The following MED28 variants were observed in gnomAD, a reference collection of about 807,000 sequenced individuals.
MED28 encodes the protein mediator of RNA polymerase II transcription subunit 28.
A neutral mutation model predicts 21.3 loss-of-function variants in MED28; 26 were observed. The ratio of observed to expected loss-of-function variants is 1.22; its 90% CI spans 0.89 to 1.69. The LOEUF is 1.69. Among genes scored for constraint, MED28 ranks in the 40% most tolerant of loss-of-function variants. The pLI is 0.00. For missense variants in MED28, 257 were observed against 215.4 expected, an observed-to-expected ratio of 1.19 and a Z score of -1.21; for synonymous variants, 110 against 87.6, an observed-to-expected ratio of 1.26 and a Z score of -1.43.
At chr4:17,620,117 G>A in intron 2 of MED28, 150 bp downstream of exon 2, 1 of 687,286 alleles carries the variant, frequency 1.5e-6, no homozygotes, top group East Asian at 2.8e-5. Context: ...ATGAGCTGCT[G>A]ATTTTTGGTT....
chr4:17,624,144 A>G lies in MED28; in HGVS notation c.*346A>G. ...TTTTATGTGTGTTTCCTGTAGTTTG[A>G]TCCGAAGGAAAAGAGTATAGTAGCC... On this transcript the variant is annotated 3_prime_UTR_variant, in exon 4 of 4. Transcript: ENST00000237380. The G allele has an allele frequency of 3.6e-6, 1 of 281,290 alleles. No homozygotes were observed. The highest frequency in any genetic ancestry group is 4.1e-5 in the South Asian group (1 of 24,240). 17.4% of individuals were successfully genotyped at this position (281,290 alleles called of 1,614,324 possible).
At position 17,625,717 on chromosome 4, in the gene MED28, G is replaced by C. The variant is rs1027387320; in HGVS notation, c.*1919G>C. 2 of 438,504 alleles carry C rather than the reference G, an allele frequency of 4.6e-6. No homozygotes were observed. The highest frequency in any genetic ancestry group is 4.1e-5 in the African/African-American group (2 of 49,368). 27.2% of individuals were successfully genotyped at this position (438,504 alleles called of 1,614,324 possible). On this transcript the variant is annotated 3_prime_UTR_variant, in exon 4 of 4. Coordinates refer to ENST00000237380, the MANE Select transcript of MED28 (RefSeq NM_025205.5). ...CCTCTGAGCTGCTAACTTTTTCAGG[G>C]AGAAAATCACAAGCCATCTTCTCAA... is the stretch of plus-strand genomic sequence containing the variant.
rs1715007257 is a variant in MED28 at position 17,632,946 on chromosome 4, G to C, written c.*9148G>C. 1 of 193,902 alleles carries C rather than the reference G, an allele frequency of 5.2e-6. No individual in the cohort carries two copies. The highest frequency in any genetic ancestry group is 1.3e-4 in the East Asian group (1 of 7,840). 12.0% of individuals were successfully genotyped at this position (193,902 alleles called of 1,614,324 possible). A position where few individuals can be genotyped will look rare whatever the true frequency, so the allele number is the denominator to read the frequency against. On this transcript the variant is annotated 3_prime_UTR_variant, in exon 4 of 4. Coordinates refer to ENST00000237380, the MANE Select transcript of MED28 (RefSeq NM_025205.5). The stretch of plus-strand genomic sequence containing the variant: ...GACTTTGTTTTTATTTTTTGTGACA[G>C]AGTCTCCCTCTGTCACCCAGGCTGG...
In MED28 at chr4:17,620,458, C is replaced by T. The variant is rs768045113; in HGVS notation, c.226+491C>T. On this transcript the variant is annotated intron_variant, in intron 2 of 3. Coordinates refer to ENST00000237380, the MANE Select transcript of MED28 (RefSeq NM_025205.5). ...AGGCAGTTCTCTTGTCTCAGCCTCC[C>T]GCGTAGATGGAACTACAGGCATGCA... 3.6e-4 allele frequency among the ~76,000 whole-genome samples: 55 copies of T among 151,714 alleles called. 1 individual carries two copies. The highest frequency in any genetic ancestry group is 5.9e-4 in the Non-Finnish European group (40 of 67,922).
rs1264309865 is a variant in MED28, at chr4:17,632,522, A to G, written c.*8724A>G. 1 of 1,544,726 alleles carries G rather than the reference A, an allele frequency of 6.5e-7. No homozygotes were observed. The highest frequency in any genetic ancestry group is 2.0e-5 in the Admixed American group (1 of 50,582). On this transcript the variant is annotated 3_prime_UTR_variant, in exon 4 of 4. Transcript: ENST00000237380. ...TCAAGTATCCTCTGTGATGTATCCCAAAGGTTAGCTTAGAAAGAAAAGTAC... is the reference window on the plus strand; with the variant it reads ...TCAAGTATCCTCTGTGATGTATCCCGAAGGTTAGCTTAGAAAGAAAAGTAC...
intron 1 of MED28, among the ~76,000 whole-genome samples, chr4:17,615,089 A>G (rs1714410529): frequency 6.6e-6 from 1 of 152,218 alleles, no homozygotes; most frequent in South Asian, 2.1e-4. Flanking sequence ...GCCGGTCCTT[A>G]GTCTCATCCC....
At chr4:17,616,584 C>A (rs1714458679) in intron 1 of MED28, among the ~76,000 whole-genome samples, 1 of 152,216 alleles carries the variant, frequency 6.6e-6, no homozygotes, top group Admixed American at 6.5e-5. Context: ...TGCAGCCACA[C>A]AAGACTTTCC....
chr4:17,621,018 G>GTTTTT lies in MED28; in HGVS notation c.227-558_227-554dup, dbSNP rs10679446. On this transcript the variant is annotated intron_variant, in intron 2 of 3. Coordinates refer to ENST00000237380, the MANE Select transcript of MED28 (RefSeq NM_025205.5). ...CCACCACGCTTGGCCTCTGCCTTGT[G>GTTTTT]TTTTTTTTTTTTTTTGAGACGGAGT... is the stretch of plus-strand genomic sequence containing the variant. Among the ~76,000 whole-genome samples the GTTTTT allele has an allele frequency of 1.5e-4, 20 of 130,732 alleles. 2 individuals are homozygous for GTTTTT. Among genetic ancestry groups the GTTTTT allele is most frequent in the South Asian group, 2.4e-4 (1 of 4,106 alleles). The allele number at this position is 130,732 out of a possible 152,430, so 85.8% of individuals were successfully genotyped here.
chr4:17,632,775 A>G lies in MED28; in HGVS notation c.*8977A>G. ...GGCCAACATTAGTAGTGGGAAACAA[A>G]TTGTAAAGGATGGGGCTGGGGAGGG... On this transcript the variant is annotated 3_prime_UTR_variant, in exon 4 of 4. Coordinates refer to ENST00000237380, the MANE Select transcript of MED28 (RefSeq NM_025205.5). The G allele has an allele frequency of 1.8e-6, 1 of 566,856 alleles. No individual in the cohort carries two copies. Among genetic ancestry groups the G allele is most frequent in the South Asian group, 2.1e-5 (1 of 48,446 alleles). The allele number at this position is 566,856 out of a possible 1,614,324, so 35.1% of individuals were successfully genotyped here.
chr4:17,615,720 G>T (rs1714431275), intron 1 of MED28, among the ~76,000 whole-genome samples: 1 of 152,158 alleles, frequency 6.6e-6, no homozygotes, highest in Non-Finnish European at 1.5e-5. Context: ...TGAGGCAGGA[G>T]AATCGCTTGA....
In MED28 at chr4:17,619,819, A is replaced by G. The variant is rs1008848933; in HGVS notation, c.160-82A>G. On this transcript the variant is annotated intron_variant, in intron 1 of 3. Coordinates refer to ENST00000237380, the MANE Select transcript of MED28 (RefSeq NM_025205.5). Reference sequence around the variant, plus strand: ...TGCTGCCACCTCATCAGATGACTTCAGGAGAAGTTATTTCTTCCTCTGGAG... The same window carrying G: ...TGCTGCCACCTCATCAGATGACTTCGGGAGAAGTTATTTCTTCCTCTGGAG... 11 of 1,232,518 alleles carry G rather than the reference A, an allele frequency of 8.9e-6. No homozygotes were observed. The African/African-American group carries it at 1.5e-4, about 17-fold the overall frequency. The allele number at this position is 1,232,518 out of a possible 1,614,324, so 76.3% of individuals were successfully genotyped here.
chr4:17,617,992 CT>C lies in MED28; in HGVS notation c.160-1899del, dbSNP rs199632933. 2.5e-3 allele frequency among the ~76,000 whole-genome samples: 359 copies of C among 141,520 alleles called. 2 individuals are homozygous for C. The highest frequency in any genetic ancestry group is 7.2e-3 in the Middle Eastern group (2 of 276). The allele number at this position is 141,520 out of a possible 152,430, so 92.8% of individuals were successfully genotyped here. On this transcript the variant is annotated intron_variant, in intron 1 of 3. Transcript: ENST00000237380. ...CAACTGTCTATAAAGGCCTGTGTAT[CT>C]TTTTTTTTTCTTTTCTTTTCTTTTT...
At chr4:17,622,411 C>T (rs114364373) in intron 3 of MED28, among the ~76,000 whole-genome samples, 2,478 of 152,242 alleles carry the variant, frequency 0.016, 79 homozygotes, top group African/African-American at 0.057. Context: ...GCTATTCTTA[C>T]AGTTTATCAT....
intron 1 of MED28, among the ~76,000 whole-genome samples, 184 bp from the exon 2 acceptor site, chr4:17,619,717 C>A (rs980209249): frequency 6.6e-6 from 1 of 152,152 alleles, no homozygotes; most frequent in East Asian, 1.9e-4. Flanking sequence ...CCTCCATGGG[C>A]CTAATTAATT....
chr4:17,633,961 T>C lies in MED28; in HGVS notation c.*10163T>C. On this transcript the variant is annotated 3_prime_UTR_variant, in exon 4 of 4. Transcript: ENST00000237380. ...AATAAAGCATTATTGTAAAAGCAAA[T>C]AATGCTCACCCAATCAAAATTGTAT... The C allele has an allele frequency of 1.7e-6, 2 of 1,187,942 alleles. No homozygotes were observed. Among genetic ancestry groups the C allele is most frequent in the South Asian group, 2.2e-5 (1 of 45,278 alleles). The allele number at this position is 1,187,942 out of a possible 1,614,324, so 73.6% of individuals were successfully genotyped here.
In MED28 at chr4:17,623,798, A is replaced by C; in HGVS notation, c.537A>C (p.Ter179CysextTer45). ...TCCCTGCACCTCTGAAGCCAACGTGAGCAAAGGGCAGAGGCAGTTGGCCTA... is the reference window on the plus strand; with the variant it reads ...TCCCTGCACCTCTGAAGCCAACGTGCGCAAAGGGCAGAGGCAGTTGGCCTA... ...ANIPAPLKPT[*>C] Residue 179 changes from the stop codon to cysteine (C), a stop_lost, in exon 4 of 4, where the codon TGA becomes TGC. Coordinates refer to ENST00000237380, the MANE Select transcript of MED28 (RefSeq NM_025205.5). 6.2e-7 allele frequency: 1 copy of C among 1,612,674 alleles called. No homozygotes were observed. Among genetic ancestry groups the C allele is most frequent in the Non-Finnish European group, 8.5e-7 (1 of 1,179,300 alleles).
chr4:17,617,803 A>T (rs1714492976), intron 1 of MED28, among the ~76,000 whole-genome samples: 1 of 152,060 alleles, frequency 6.6e-6, no homozygotes, highest in Non-Finnish European at 1.5e-5. Context: ...GCTACTTGGG[A>T]GGCTGAGGCA....
At chr4:17,621,392 C>T (rs1357379739) in intron 2 of MED28, among the ~76,000 whole-genome samples, 195 bp from the exon 3 acceptor site, 1 of 151,774 alleles carries the variant, frequency 6.6e-6, no homozygotes. Context: ...CTGAGAAAAG[C>T]ATAACTTATC....
Position 17,632,400 on chromosome 4 carries a change from A to C in MED28, c.*8602A>C, listed in dbSNP as rs1714979288. The stretch of plus-strand genomic sequence containing the variant: ...GAACAGTATGAAGTGTTAACGCCAA[A>C]ATTTGTTTTAGCTATCATATATAAA... On this transcript the variant is annotated 3_prime_UTR_variant, in exon 4 of 4. Coordinates refer to ENST00000237380, the MANE Select transcript of MED28 (RefSeq NM_025205.5). 2 of 717,496 alleles carry C rather than the reference A, an allele frequency of 2.8e-6. No individual in the cohort carries two copies. Among genetic ancestry groups the C allele is most frequent in the South Asian group, 3.9e-5 (2 of 51,196 alleles). The allele number at this position is 717,496 out of a possible 1,614,324, so 44.4% of individuals were successfully genotyped here.
Sources: gnomAD v4.1 joint callset for allele counts (sites outside exome capture counted in the v4.1 genomes callset) on GRCh38, gnomAD v4.1.1 for gene constraint, MANE v1.5 for transcripts, NCBI Gene and HGNC (gene_info 2026-07-23, HGNC 2026-07-21) for gene names.